The following GSAP variants were observed in gnomAD, a reference collection of about 807,000 sequenced individuals.
GSAP encodes gamma-secretase activating protein.
In GSAP, 118 loss-of-function variants were observed where a neutral mutation model predicts 131.7. The observed-to-expected ratio is 0.90, with a 90% CI of 0.77 to 1.04. GSAP has a LOEUF of 1.04. Among genes scored for constraint, GSAP ranks in the 50% least tolerant of loss-of-function variants. The pLI, the probability that GSAP is intolerant of heterozygous loss-of-function variation, is 0.00. For missense variants in GSAP, 1,019 were observed against 1,013.2 expected, an observed-to-expected ratio of 1.01 and a Z score of -0.08; for synonymous variants, 381 against 363.4, an observed-to-expected ratio of 1.05 and a Z score of -0.55.
chr7:77,371,621 G>C (rs984251747), intron 12 of GSAP, among the ~76,000 whole-genome samples: 7 of 151,996 alleles, frequency 4.6e-5, no homozygotes, highest in Non-Finnish European at 8.8e-5. Context: ...ATTTTTACTA[G>C]AGACGGGGTT....
At chr7:77,412,868 G>A (rs62476191) in intron 1 of GSAP, among the ~76,000 whole-genome samples, 5,516 of 152,114 alleles carry the variant, frequency 0.036, 143 homozygotes, top group Non-Finnish European at 0.059. Context: ...AAATCAGAGT[G>A]TTAATAAGTA....
At chr7:77,360,000 G>A (rs573112620) in intron 14 of GSAP, among the ~76,000 whole-genome samples, 2 of 152,158 alleles carry the variant, frequency 1.3e-5, no homozygotes, top group South Asian at 2.1e-4. Flanking sequence ...CCCACTCAGC[G>A]TAAGTATCCA....
intron 12 of GSAP, among the ~76,000 whole-genome samples, chr7:77,368,189 C>T (rs1365985790): frequency 6.6e-6 from 1 of 152,154 alleles, no homozygotes; most frequent in Non-Finnish European, 1.5e-5. Context: ...CCTAGGTGGG[C>T]TGTCATCCTG....
chr7:77,331,068 C>T (rs1203141050), intron 19 of GSAP, among the ~76,000 whole-genome samples: 2 of 152,088 alleles, frequency 1.3e-5, no homozygotes, highest in Non-Finnish European at 2.9e-5. Flanking sequence ...AATCCCAGCA[C>T]TTTGGGAGGC....
chr7:77,330,681 C>A, intron 19 of GSAP: 1 of 1,013,258 alleles, frequency 9.9e-7, no homozygotes, highest in Non-Finnish European at 1.2e-6. Context: ...AGCAGGGAAA[C>A]CTGTATTAAA....
chr7:77,397,250 T>C, intron 4 of GSAP, 96 bp downstream of exon 4: 1 of 825,158 alleles, frequency 1.2e-6, no homozygotes, highest in Non-Finnish European at 2.0e-6. Context: ...GAAATTATTG[T>C]TATAGAATAA....
chr7:77,325,673 C>A (rs1449092262), intron 23 of GSAP, among the ~76,000 whole-genome samples: 1 of 152,196 alleles, frequency 6.6e-6, no homozygotes. Context: ...TGGGTTCAAG[C>A]GATTCTCCTG....
At chr7:77,344,100 C>A (rs1042525729) in intron 19 of GSAP, among the ~76,000 whole-genome samples, 1 of 152,170 alleles carries the variant, frequency 6.6e-6, no homozygotes, top group Non-Finnish European at 1.5e-5. Flanking sequence ...GACTTTCCCA[C>A]AGGGTCTGCG....
intron 9 of GSAP, 87 bp from the exon 10 acceptor site, chr7:77,376,994 C>T (rs965864016): frequency 7.9e-6 from 6 of 758,832 alleles, no homozygotes; most frequent in East Asian, 2.7e-5. Context: ...CTATTTCCAT[C>T]AATGAAAATG....
chr7:77,396,986 T>C lies in GSAP; in HGVS notation c.363A>G (p.Gln121=). ...TAAAAAGTGTAATTTCATTACCTGG[T>C]TGAAGTTCGTTCCTTTTTCCTTCTT... ...STKEGKRNEL[Q]PGSKCLTLLV... The change falls in exon 5 of 31, where the codon CAA becomes CAG. Residue 121 remains glutamine, a synonymous_variant. Coordinates refer to ENST00000257626, the MANE Select transcript of GSAP (RefSeq NM_017439.4). The C allele has an allele frequency of 6.3e-7, 1 of 1,590,870 alleles. No individual in the cohort carries two copies. Among genetic ancestry groups the C allele is most frequent in the African/African-American group, 1.3e-5 (1 of 74,606 alleles).
intron 19 of GSAP, among the ~76,000 whole-genome samples, chr7:77,337,302 G>T (rs1437899142): frequency 1.7e-4 from 15 of 89,874 alleles, no homozygotes; most frequent in African/African-American, 6.0e-4. Flanking sequence ...GGGGTGGGGT[G>T]GGGGGGGGGT....
chr7:77,384,692 G>A (rs1226950767), intron 6 of GSAP, among the ~76,000 whole-genome samples: 3 of 152,080 alleles, frequency 2.0e-5, no homozygotes, highest in Admixed American at 1.3e-4. Flanking sequence ...TGCCACTCCT[G>A]CTGAAGCTCC....
At chr7:77,416,156 G>T (rs1470993029) in intron 1 of GSAP, 57 bp downstream of exon 1, 3 of 1,026,402 alleles carry the variant, frequency 2.9e-6, no homozygotes, top group Non-Finnish European at 2.7e-6. Context: ...GAGTCCGGGG[G>T]GTATGAGGGA....
chr7:77,396,965 A>G lies in GSAP; in HGVS notation c.367+17T>C. On this transcript the variant is annotated intron_variant, in intron 5 of 30. Coordinates refer to ENST00000257626, the MANE Select transcript of GSAP (RefSeq NM_017439.4). ...CCTTCATCTACCCATAGGTACTAAA[A>G]AGTGTAATTTCATTACCTGGTTGAA... 1 of 1,502,130 alleles carries G rather than the reference A, an allele frequency of 6.7e-7. No homozygotes were observed. Among genetic ancestry groups the G allele is most frequent in the African/African-American group, 1.4e-5 (1 of 72,790 alleles). The allele number at this position is 1,502,130 out of a possible 1,614,324, so 93.1% of individuals were successfully genotyped here. A position where few individuals can be genotyped will look rare whatever the true frequency, so the allele number is the denominator to read the frequency against.
intron 6 of GSAP, among the ~76,000 whole-genome samples, chr7:77,384,703 T>A (rs1798296497): frequency 6.6e-6 from 1 of 152,102 alleles, no homozygotes; most frequent in African/African-American, 2.4e-5. Flanking sequence ...CTGAAGCTCC[T>A]CTGTGTAGGT....
intron 30 of GSAP, 186 bp from the exon 31 acceptor site, chr7:77,311,635 C>T: frequency 3.4e-6 from 2 of 590,942 alleles, no homozygotes; most frequent in South Asian, 4.4e-5. Context: ...GGGCTTTAAA[C>T]CTCTTGACTC....
chr7:77,414,872 T>TTTTTTTTTTTTTTTTG (rs1804022885), intron 1 of GSAP, among the ~76,000 whole-genome samples: 1 of 78,438 alleles, frequency 1.3e-5, no homozygotes, highest in Non-Finnish European at 2.6e-5. Context: ...TTTTTTTTTT[T>TTTTTTTTTTTTTTTTG]TTTGAGACGG....
chr7:77,356,308 T>A (rs1206864985), intron 14 of GSAP, among the ~76,000 whole-genome samples: 1 of 152,234 alleles, frequency 6.6e-6, no homozygotes, highest in Non-Finnish European at 1.5e-5. Context: ...ATCTAAATGA[T>A]CTCAGAGCAA....
chr7:77,409,329 T>C (rs754986473), intron 1 of GSAP, among the ~76,000 whole-genome samples: 23 of 152,100 alleles, frequency 1.5e-4, no homozygotes, highest in Admixed American at 3.3e-4. Context: ...ATAATAATAA[T>C]AAGCTTATGG....
Sources: gnomAD v4.1 joint callset for allele counts (sites outside exome capture counted in the v4.1 genomes callset) on GRCh38, gnomAD v4.1.1 for gene constraint, MANE v1.5 for transcripts, NCBI Gene and HGNC (gene_info 2026-07-23, HGNC 2026-07-21) for gene names.